DNM3: variants seen among roughly 807,000 people sequenced by gnomAD.
DNM3 encodes the protein dynamin 3.
A neutral mutation model predicts 101.6 loss-of-function variants in DNM3; 47 were observed. That is an observed-to-expected ratio of 0.46 (90% CI 0.37 to 0.59). The LOEUF is 0.59. Ranked by LOEUF, DNM3 falls within the 20% of genes least tolerant of loss-of-function variation. The pLI, the probability that DNM3 is intolerant of heterozygous loss-of-function variation, is 0.00. For missense variants in DNM3, 849 were observed against 1,085.7 expected (o/e 0.78, Z 3.06); for synonymous variants, 385 against 387.9 (o/e 0.99, Z 0.09).
chr1:171,847,884 CTCTCTCTCTCTCTG>C (rs1295256670), intron 1 of DNM3, among the ~76,000 whole-genome samples: 13 of 42,466 alleles, frequency 3.1e-4, no homozygotes, highest in African/African-American at 7.6e-4. Flanking sequence ...TAATTACTCT[CTCTCTCTCTCTCTG>C]TGTGTGTGTG....
chr1:172,387,575 T>C (rs888754697), intron 19 of DNM3, among the ~76,000 whole-genome samples: 2 of 149,934 alleles, frequency 1.3e-5, no homozygotes, highest in Non-Finnish European at 3.0e-5. Flanking sequence ...AGGAGAATGG[T>C]GTGAACCCGG....
intron 2 of DNM3, among the ~76,000 whole-genome samples, chr1:171,967,686 T>C (rs952305166): frequency 6.6e-6 from 1 of 152,186 alleles, no homozygotes; most frequent in Non-Finnish European, 1.5e-5. Context: ...CCAGACAGAC[T>C]TTTCATCTGT....
At position 172,304,222 on chromosome 1, in the gene DNM3, A is replaced by AAAAAAAAAAAAAAC. The variant is rs745651671; in HGVS notation, c.1770-4506_1770-4505insAAAAAAAAAAAAAC. 2.4e-3 allele frequency among the ~76,000 whole-genome samples: 310 copies of AAAAAAAAAAAAAAC among 128,918 alleles called. 18 individuals are homozygous for AAAAAAAAAAAAAAC. Among genetic ancestry groups the AAAAAAAAAAAAAAC allele is most frequent in the African/African-American group, 9.8e-3 (280 of 28,568 alleles). 84.6% of individuals were successfully genotyped at this position (128,918 alleles called of 152,430 possible). A position where few individuals can be genotyped will look rare whatever the true frequency, so the allele number is the denominator to read the frequency against. The stretch of plus-strand genomic sequence containing the variant: ...AAAGGAAAGCAAAAAAAAAAAAAAA[A>AAAAAAAAAAAAAAC]CAGGAGTTGCAATCCTAGTCTCTGA... On this transcript the variant is annotated intron_variant, in intron 15 of 20. Transcript: ENST00000627582.
intron 6 of DNM3, among the ~76,000 whole-genome samples, chr1:172,035,090 C>A (rs538260427): frequency 7.2e-5 from 11 of 151,846 alleles, no homozygotes; most frequent in Admixed American, 5.9e-4. Flanking sequence ...AAAAAAGGGG[C>A]GGGTTTGAGA....
At chr1:171,868,158 A>G (rs754541273) in intron 1 of DNM3, among the ~76,000 whole-genome samples, 23 of 152,082 alleles carry the variant, frequency 1.5e-4, no homozygotes, top group Non-Finnish European at 2.6e-4. Flanking sequence ...GTCATCCCCC[A>G]TGCTACTAAG....
chr1:172,079,344 T>C (rs1240941746), intron 11 of DNM3, among the ~76,000 whole-genome samples: 1 of 152,112 alleles, frequency 6.6e-6, no homozygotes, highest in African/African-American at 2.4e-5. Flanking sequence ...TGTAATCTTG[T>C]CTCTACACTT....
chr1:172,188,363 A>T (rs1406708821), intron 14 of DNM3, among the ~76,000 whole-genome samples: 2 of 152,022 alleles, frequency 1.3e-5, no homozygotes, highest in Non-Finnish European at 2.9e-5. Flanking sequence ...CCAGGTTTGC[A>T]CCACCTTGCC....
intron 19 of DNM3, 124 bp from the exon 20 acceptor site, chr1:172,388,449 A>G: frequency 1.2e-6 from 1 of 829,362 alleles, no homozygotes; most frequent in Non-Finnish European, 1.9e-6. Flanking sequence ...GACTTTCATG[A>G]CATGAATTGG....
At chr1:172,400,411 AGAAAGGAG>A (rs528247338) in intron 20 of DNM3, among the ~76,000 whole-genome samples, 1 of 152,106 alleles carries the variant, frequency 6.6e-6, no homozygotes, top group South Asian at 2.1e-4. Flanking sequence ...GGAGATAGGA[AGAAAGGAG>A]GGAAGGAGGG....
chr1:172,092,969 G>A (rs986151024), intron 13 of DNM3, 94 bp downstream of exon 13: 44 of 1,230,022 alleles, frequency 3.6e-5, no homozygotes, highest in Non-Finnish European at 4.1e-5. Context: ...AATTAATCAC[G>A]TGCAAATTTT....
intron 14 of DNM3, among the ~76,000 whole-genome samples, chr1:172,196,272 T>C (rs944009531): frequency 5.3e-5 from 8 of 152,066 alleles, no homozygotes; most frequent in African/African-American, 1.9e-4. Context: ...CCGTGGTGTA[T>C]ATGTACCATA....
chr1:172,392,671 T>TTGTC (rs1278904151), intron 20 of DNM3, among the ~76,000 whole-genome samples: 1 of 152,240 alleles, frequency 6.6e-6, no homozygotes, highest in Non-Finnish European at 1.5e-5. Flanking sequence ...TTTCACTCAT[T>TTGTC]TGTCTTCTTC....
intron 12 of DNM3, among the ~76,000 whole-genome samples, chr1:172,086,131 T>C (rs2053513908): frequency 6.6e-6 from 1 of 152,216 alleles, no homozygotes; most frequent in East Asian, 1.9e-4. Flanking sequence ...TCTTTCATCC[T>C]CAAATATGTT....
intron 2 of DNM3, among the ~76,000 whole-genome samples, chr1:171,973,608 G>A (rs1000802105): frequency 1.5e-4 from 22 of 151,028 alleles, no homozygotes; most frequent in Non-Finnish European, 3.0e-4. Context: ...GGGAAGTTAA[G>A]TAATTTCTCA....
chr1:172,299,102 A>C (rs760731330), intron 15 of DNM3, among the ~76,000 whole-genome samples: 17 of 152,318 alleles, frequency 1.1e-4, no homozygotes, highest in Admixed American at 5.9e-4. Context: ...TTAACTGTGC[A>C]AAGAGAGATG....
At chr1:171,896,154 A>G (rs2037773532) in intron 1 of DNM3, among the ~76,000 whole-genome samples, 1 of 152,184 alleles carries the variant, frequency 6.6e-6, no homozygotes, top group African/African-American at 2.4e-5. Context: ...ACTTTAAAGT[A>G]GTTTTTTCCA....
At chr1:171,977,712 T>TTCTA (rs1558360955) in intron 2 of DNM3, among the ~76,000 whole-genome samples, 2 of 152,214 alleles carry the variant, frequency 1.3e-5, no homozygotes, top group African/African-American at 4.8e-5. Flanking sequence ...CTGGTTTTCC[T>TTCTA]TCTATCTCTT....
At position 172,173,269 on chromosome 1, in the gene DNM3, A is replaced by C. The variant is rs74126033; in HGVS notation, c.1659+41981A>C. ...TGATGAGCAGTTGCTAAGGGAGTTG[A>C]GAGAGAGAAGAGTCAGGGATGACGC... On this transcript the variant is annotated intron_variant, in intron 14 of 20. Coordinates refer to ENST00000627582, the MANE Select transcript of DNM3 (RefSeq NM_015569.5). 6.4e-3 allele frequency among the ~76,000 whole-genome samples: 968 copies of C among 151,836 alleles called. 14 individuals carry two copies. Among genetic ancestry groups the C allele is most frequent in the African/African-American group, 0.022 (903 of 41,480 alleles).
intron 16 of DNM3, among the ~76,000 whole-genome samples, chr1:172,316,768 A>G (rs534582082): frequency 5.1e-4 from 78 of 152,262 alleles, no homozygotes; most frequent in African/African-American, 1.8e-3. Flanking sequence ...AAAGAGACTT[A>G]GACTCCCACA....
Sources: gnomAD v4.1 joint callset for allele counts (sites outside exome capture counted in the v4.1 genomes callset) on GRCh38, gnomAD v4.1.1 for gene constraint, MANE v1.5 for transcripts, NCBI Gene and HGNC (gene_info 2026-07-23, HGNC 2026-07-21) for gene names.